The following ZZEF1 variants were observed in gnomAD, a reference collection of about 807,000 sequenced individuals.
ZZEF1 encodes zinc finger ZZ-type and EF-hand domain containing 1.
In ZZEF1, 157 loss-of-function variants were observed where a neutral mutation model predicts 342.8. The ratio of observed to expected loss-of-function variants is 0.46; its 90% confidence interval spans 0.40 to 0.52. The LOEUF is 0.52. Among genes scored for constraint, ZZEF1 ranks in the 20% least tolerant of loss-of-function variants. The pLI, the probability that ZZEF1 is intolerant of heterozygous loss-of-function variation, is 0.00. For missense variants in ZZEF1, 3,480 were observed against 3,725.6 expected, an observed-to-expected ratio of 0.93 and a Z score of 1.72; for synonymous variants, 1,505 against 1,429.1, an observed-to-expected ratio of 1.05 and a Z score of -1.20.
chr17:4,045,694 C>T (rs1023619866), intron 37 of ZZEF1, among the ~76,000 whole-genome samples: 16 of 152,274 alleles, frequency 1.1e-4, no homozygotes, highest in Non-Finnish European at 7.3e-5. Flanking sequence ...GGAAGGTGTA[C>T]ATAAAGCCAA....
At chr17:4,075,676 G>A (rs896052308) in intron 21 of ZZEF1, among the ~76,000 whole-genome samples, 2 of 152,082 alleles carry the variant, frequency 1.3e-5, no homozygotes, top group African/African-American at 2.4e-5. Flanking sequence ...GTACCTTTTC[G>A]CTATGACAGA....
chr17:4,096,794 TG>T (rs1329572051), intron 9 of ZZEF1, 94 bp from the exon 10 acceptor site: 4 of 1,003,796 alleles, frequency 4.0e-6, no homozygotes, highest in Middle Eastern at 2.1e-4. Flanking sequence ...CTTTGAGTCA[TG>T]GGGGGTAACT....
intron 1 of ZZEF1, among the ~76,000 whole-genome samples, chr17:4,132,412 G>A (rs1321119111): frequency 6.6e-6 from 1 of 150,554 alleles, no homozygotes; most frequent in Non-Finnish European, 1.5e-5. Context: ...TCAAACTCCT[G>A]GCCTCAAGTG....
intron 6 of ZZEF1, among the ~76,000 whole-genome samples, chr17:4,107,648 G>A (rs2058233459): frequency 6.6e-6 from 1 of 152,210 alleles, no homozygotes; most frequent in African/African-American, 2.4e-5. Flanking sequence ...GCAAGGGCAG[G>A]GGCAATGGGA....
At chr17:4,056,850 T>G (rs2057171929) in intron 32 of ZZEF1, 1 of 152,116 alleles carries the variant, frequency 6.6e-6, no homozygotes, top group African/African-American at 2.4e-5. Flanking sequence ...CGAGATCAGG[T>G]GCATTCAGGG....
At chr17:4,141,720 GA>G (rs11295221) in intron 1 of ZZEF1, among the ~76,000 whole-genome samples, 132,430 of 146,676 alleles carry the variant, frequency 0.9, 61,065 homozygotes, top group East Asian at 1. Flanking sequence ...TTGAAAGAAA[GA>G]AAAAAAAAAA....
At chr17:4,123,209 C>T (rs1239173456) in intron 2 of ZZEF1, among the ~76,000 whole-genome samples, 4 of 148,022 alleles carry the variant, frequency 2.7e-5, no homozygotes, top group African/African-American at 9.9e-5. Flanking sequence ...CGTAAGCCAC[C>T]GCGCCCGGCC....
rs1422357122 is a variant in ZZEF1 at position 4,050,953 on chromosome 17, G to A, written c.5691C>T (p.Asn1897=). 7 of 1,614,252 alleles carry A rather than the reference G, an allele frequency of 4.3e-6. No individual in the cohort carries two copies. The Admixed American group carries it at 1.2e-4, about 27-fold the overall frequency. ...GGGCAGCAAAGAGCAGCCAGGAGTA[G>A]TTATGGATATATGGCTGGATGAGCC... ...RQRLIQPYIH[N]YSWLLFAALA... is the part of the protein sequence containing the mutation. Residue 1897 remains asparagine (N), a synonymous_variant, in exon 36 of 55, where the codon AAC becomes AAT. Coordinates refer to ENST00000381638, the MANE Select transcript of ZZEF1 (RefSeq NM_015113.4).
chr17:4,013,056 T>A (rs947725841), intron 52 of ZZEF1, among the ~76,000 whole-genome samples: 1 of 143,700 alleles, frequency 7.0e-6, no homozygotes, highest in African/African-American at 2.6e-5. Flanking sequence ...ACCACAGCAC[T>A]CCAGCCTGCG....
At chr17:4,032,082 G>C (rs750458697) in intron 42 of ZZEF1, 44 bp downstream of exon 42, 3 of 1,592,876 alleles carry the variant, frequency 1.9e-6, no homozygotes, top group Non-Finnish European at 2.6e-6. Context: ...GAGGGATTAG[G>C]CATTTTTCTT....
Position 4,075,086 on chromosome 17 carries a change from C to CTA in ZZEF1, c.3483+9_3483+10dup. The CTA allele has an allele frequency of 6.2e-7, 1 of 1,614,032 alleles. No homozygotes were observed. Among genetic ancestry groups the CTA allele is most frequent in the East Asian group, 2.2e-5 (1 of 44,890 alleles). ...CAGAAGTAGGTACCTCTTTCTGGGA[C>CTA]TATCACTCACCTTGGGCCATTTATC... On this transcript the variant is annotated intron_variant, in intron 23 of 54. Coordinates refer to ENST00000381638, the MANE Select transcript of ZZEF1 (RefSeq NM_015113.4).
At position 4,112,647 on chromosome 17, in the gene ZZEF1, T is replaced by G; in HGVS notation, c.1028A>C (p.Tyr343Ser). ...DVHIPSNVTG[Y>S]VTLLENANVS... ...GTTGGCATTTTCCAGCAGCGTCACA[T>G]AGCCAGTGACATTGCTGGGGATGTG... Residue 343 changes from tyrosine to serine, a missense_variant, in exon 5 of 55, where the codon TAT becomes TCT. Tyr to Ser is a moderately radical substitution (Grantham distance 144). Transcript: ENST00000381638. 1 of 1,614,228 alleles carries G rather than the reference T, an allele frequency of 6.2e-7. No individual in the cohort carries two copies. Among genetic ancestry groups the G allele is most frequent in the Non-Finnish European group, 8.5e-7 (1 of 1,180,036 alleles).
At chr17:4,136,687 T>C (rs1444478508) in intron 1 of ZZEF1, among the ~76,000 whole-genome samples, 2 of 152,072 alleles carry the variant, frequency 1.3e-5, no homozygotes, top group Non-Finnish European at 2.9e-5. Flanking sequence ...AGGGGTCCCT[T>C]TTCGGGGGCA....
intron 31 of ZZEF1, 74 bp downstream of exon 31, chr17:4,059,097 G>A: frequency 7.7e-7 from 1 of 1,304,834 alleles, no homozygotes; most frequent in Non-Finnish European, 1.0e-6. Context: ...ATTTTTGACA[G>A]TGAACATATA....
At position 4,008,675 on chromosome 17, in the gene ZZEF1, C is replaced by T. The variant is rs1423508618; in HGVS notation, c.8805+208G>A. The T allele has an allele frequency of 3.1e-6, 4 of 1,270,232 alleles. No individual in the cohort carries two copies. Among genetic ancestry groups the T allele is most frequent in the Non-Finnish European group, 4.0e-6 (4 of 1,007,488 alleles). The allele number at this position is 1,270,232 out of a possible 1,614,324, so 78.7% of individuals were successfully genotyped here. On this transcript the variant is annotated intron_variant, in intron 54 of 54. Transcript: ENST00000381638. This position sits in a 1 kb window ranked among gnomAD's most constrained non-coding sequence, Gnocchi z 4.2. ...AAAGACACAAATTCTTCTGACCCCA[C>T]AGTTTAGAGTGAATGACTCTGATAA... is the stretch of plus-strand genomic sequence containing the variant.
Position 4,032,960 on chromosome 17 carries a change from C to T in ZZEF1, c.6627G>A (p.Leu2209=), listed in dbSNP as rs1366074504. ...ACAGTGGGGCACTGTTGAGTGACCG[C>T]AGGATCTCTGCCATGGAGCACGCCC... ...LDWACSMAEI[L]RSLNSAPLWR... Residue 2209 remains leucine (L), a synonymous_variant, in exon 41 of 55, where the codon CTG becomes CTA. Coordinates refer to ENST00000381638, the MANE Select transcript of ZZEF1 (RefSeq NM_015113.4). 1.9e-6 allele frequency: 3 copies of T among 1,603,818 alleles called. No individual in the cohort carries two copies. The highest frequency in any genetic ancestry group is 2.6e-6 in the Non-Finnish European group (3 of 1,175,028).
intron 25 of ZZEF1, 147 bp from the exon 26 acceptor site, chr17:4,071,071 G>A (rs1457174156): frequency 4.4e-6 from 4 of 904,218 alleles, no homozygotes; most frequent in Non-Finnish European, 6.5e-6. Flanking sequence ...ACCAGACAGA[G>A]ATATGAGTTA....
In ZZEF1 at chr17:4,011,577, A is replaced by G. The variant is rs1000086002; in HGVS notation, c.8580-1820T>C. ...TTTGTGTGTGTGTGTGTTTTTACTCAGAGGAAGGCTGTGTTTTAATTCCAA... is the reference window on the plus strand; with the variant it reads ...TTTGTGTGTGTGTGTGTTTTTACTCGGAGGAAGGCTGTGTTTTAATTCCAA... On this transcript the variant is annotated intron_variant, in intron 52 of 54. Transcript: ENST00000381638. Among the ~76,000 whole-genome samples, 3 of 152,014 alleles carry G rather than the reference A, an allele frequency of 2.0e-5. No homozygotes were observed. The South Asian group carries it at 6.2e-4, about 32-fold the overall frequency.
chr17:4,060,262 T>C (rs2057255226), intron 30 of ZZEF1, among the ~76,000 whole-genome samples: 3 of 152,204 alleles, frequency 2.0e-5, no homozygotes, highest in Admixed American at 2.0e-4. Context: ...TCAATTTTCA[T>C]TACTATCAAA....
Sources: allele counts gnomAD v4.1 joint callset (sites outside exome capture counted in the v4.1 genomes callset), GRCh38; gene constraint gnomAD v4.1.1; non-coding constraint Gnocchi (gnomAD v3.1); transcripts MANE v1.5; gene names NCBI Gene and HGNC (gene_info 2026-07-23, HGNC 2026-07-21).